SUMO3: variants seen among roughly 807,000 people sequenced by gnomAD.
SUMO3 encodes the protein small ubiquitin-related modifier 3.
Under a neutral mutation model 11.1 loss-of-function variants are expected in SUMO3, and 2 were observed. The observed-to-expected ratio is 0.18, with a 90% CI of 0.07 to 0.57. The LOEUF is 0.57. SUMO3 is among the 20% of genes least tolerant of loss of function. SUMO3 has a pLI of 0.92. For missense variants in SUMO3, 70 were observed against 132.8 expected, an observed-to-expected ratio of 0.53 and a Z score of 2.32; for synonymous variants, 56 against 53.5, an observed-to-expected ratio of 1.05 and a Z score of -0.20.
intron 1 of SUMO3, among the ~76,000 whole-genome samples, chr21:44,817,539 G>A (rs1265838332): frequency 2.0e-5 from 3 of 152,096 alleles, no homozygotes; most frequent in East Asian, 2.0e-4. Flanking sequence ...CGGGGGAGAG[G>A]GCGACCCCAA....
At chr21:44,816,489 G>A (rs879316617) in intron 1 of SUMO3, among the ~76,000 whole-genome samples, 5 of 152,282 alleles carry the variant, frequency 3.3e-5, no homozygotes, top group Admixed American at 1.3e-4. Flanking sequence ...GTCTGGCACT[G>A]AGCCTCCACC....
At chr21:44,813,438 CACT>C in intron 2 of SUMO3, 1 of 209,774 alleles carries the variant, frequency 4.8e-6, no homozygotes, top group Non-Finnish European at 9.8e-6. Flanking sequence ...CCCAGCTGGG[CACT>C]GCCAGTGGGG....
intron 2 of SUMO3, chr21:44,813,384 G>GAC (rs35209448): frequency 0.26 from 44,349 of 169,028 alleles, 6,284 homozygotes; most frequent in South Asian, 0.39. Flanking sequence ...AAGAACAACA[G>GAC]ACACACACAC....
At position 44,814,224 on chromosome 21, in the gene SUMO3, A is replaced by C. The variant is rs536057193; in HGVS notation, c.22-120T>G. On this transcript the variant is annotated intron_variant, in intron 1 of 3. Transcript: ENST00000332859. ...GTCATCAAAACCAACCTAATTCTTAAAATTCTCCAGCAATTCAGAGTCACT... is the reference window on the plus strand; with the variant it reads ...GTCATCAAAACCAACCTAATTCTTACAATTCTCCAGCAATTCAGAGTCACT... 4.6e-4 allele frequency: 621 copies of C among 1,341,704 alleles called. 1 individual carries two copies. Among genetic ancestry groups the C allele is most frequent in the Non-Finnish European group, 5.7e-4 (564 of 982,990 alleles). The allele number at this position is 1,341,704 out of a possible 1,614,324, so 83.1% of individuals were successfully genotyped here.
chr21:44,817,839 G>A (rs1306067903), intron 1 of SUMO3, 109 bp downstream of exon 1: 3 of 169,250 alleles, frequency 1.8e-5, no homozygotes, highest in African/African-American at 7.3e-5. Flanking sequence ...GGGGAGGGGC[G>A]GAGCCTGTCA....
intron 2 of SUMO3, among the ~76,000 whole-genome samples, chr21:44,809,998 G>A (rs1479939057): frequency 6.6e-6 from 1 of 152,184 alleles, no homozygotes; most frequent in Non-Finnish European, 1.5e-5. Context: ...ATGAGGGACA[G>A]ATAAGAAGGC....
At chr21:44,813,729 T>G in intron 2 of SUMO3, 1 of 1,294,192 alleles carries the variant, frequency 7.7e-7, no homozygotes, top group Non-Finnish European at 1.0e-6. Flanking sequence ...AGCCGCCCTG[T>G]CAGGAAGAAA....
rs1472369266 is a variant in SUMO3 at position 44,817,992 on chromosome 21, G to T, written c.-24C>A. Reference sequence around the variant, plus strand: ...ATGGCTGCGCGAGCGGCGCGGGGAGGCGGCGCGGGGGAAGCAGCGCGGAGC... The same window carrying T: ...ATGGCTGCGCGAGCGGCGCGGGGAGTCGGCGCGGGGGAAGCAGCGCGGAGC... On this transcript the variant is annotated 5_prime_UTR_variant, in exon 1 of 4. Transcript: ENST00000332859. 8.7e-5 allele frequency: 103 copies of T among 1,180,172 alleles called. No homozygotes were observed. Among genetic ancestry groups the T allele is most frequent in the Non-Finnish European group, 9.7e-5 (93 of 954,428 alleles). The allele number at this position is 1,180,172 out of a possible 1,614,324, so 73.1% of individuals were successfully genotyped here. A position where few individuals can be genotyped will look rare whatever the true frequency, so the allele number is the denominator to read the frequency against.
At chr21:44,808,920 T>C (rs1569307447) in intron 3 of SUMO3, 127 bp downstream of exon 3, 2 of 757,844 alleles carry the variant, frequency 2.6e-6, no homozygotes, top group Non-Finnish European at 4.6e-6. Context: ...AATAATCTAA[T>C]AATCAATATC....
chr21:44,816,005 C>T (rs1486490639), intron 1 of SUMO3, among the ~76,000 whole-genome samples: 4 of 152,174 alleles, frequency 2.6e-5, no homozygotes, highest in Non-Finnish European at 4.4e-5. Flanking sequence ...CACCTCTTCC[C>T]CTTCGTCAGA....
chr21:44,812,767 C>T (rs577737201), intron 2 of SUMO3, among the ~76,000 whole-genome samples: 15 of 152,328 alleles, frequency 9.8e-5, no homozygotes, highest in East Asian at 1.9e-4. Context: ...GAGCCCCCCC[C>T]ACATGTACAC....
rs2083179558 is a variant in SUMO3, at chr21:44,806,703, A to G, written c.*248T>C. On this transcript the variant is annotated 3_prime_UTR_variant, in exon 4 of 4. Transcript: ENST00000332859. ...GGGGAAAACACAAATGAGCACACAA[A>G]AGTACCCACAATATCTTGCAACTCA... 1 of 989,686 alleles carries G rather than the reference A, an allele frequency of 1.0e-6. No individual in the cohort carries two copies. Among genetic ancestry groups the G allele is most frequent in the Non-Finnish European group, 1.4e-6 (1 of 720,514 alleles). The allele number at this position is 989,686 out of a possible 1,614,324, so 61.3% of individuals were successfully genotyped here. A position where few individuals can be genotyped will look rare whatever the true frequency, so the allele number is the denominator to read the frequency against.
intron 3 of SUMO3, among the ~76,000 whole-genome samples, chr21:44,808,018 T>A (rs759395348): frequency 6.6e-6 from 1 of 152,206 alleles, no homozygotes; most frequent in African/African-American, 2.4e-5. Context: ...AGTAAATATT[T>A]AAAATCTTAA....
chr21:44,811,761 A>T lies in SUMO3; in HGVS notation c.150+2215T>A, dbSNP rs1254306562. Among the ~76,000 whole-genome samples the T allele has an allele frequency of 6.6e-6, 1 of 152,224 alleles. No individual in the cohort carries two copies. ...CCCAAAGCAAAATGGGAGAAAAATTATCAAATTTAAAATATCTAGGACAAT... is the reference window on the plus strand; with the variant it reads ...CCCAAAGCAAAATGGGAGAAAAATTTTCAAATTTAAAATATCTAGGACAAT... On this transcript the variant is annotated intron_variant, in intron 2 of 3. Transcript: ENST00000332859. This position sits in a 1 kb window ranked among gnomAD's most constrained non-coding sequence, Gnocchi z 5.0.
Position 44,810,261 on chromosome 21 carries a change from C to T in SUMO3, c.151-1143G>A, listed in dbSNP as rs990993480. ...GCACAAACAGGAAGGACAAAGAAAA[C>T]GGGAGTGGGGATGGGCAGATATGTC... On this transcript the variant is annotated intron_variant, in intron 2 of 3. Transcript: ENST00000332859. The surrounding 1 kb of genome is among the most constrained non-coding windows in gnomAD (Gnocchi z 4.1). 6.6e-6 allele frequency among the ~76,000 whole-genome samples: 1 copy of T among 152,132 alleles called. No homozygotes were observed. Among genetic ancestry groups the T allele is most frequent in the African/African-American group, 2.4e-5 (1 of 41,418 alleles).
intron 2 of SUMO3, chr21:44,813,550 G>A (rs542280362): frequency 2.7e-5 from 12 of 437,610 alleles, no homozygotes; most frequent in Non-Finnish European, 4.6e-5. Flanking sequence ...TGAGGGCAGT[G>A]TCTCTCCAGG....
At chr21:44,812,053 CTTTTTTTTTTTTT>C (rs386394862) in intron 2 of SUMO3, among the ~76,000 whole-genome samples, 3 of 80,960 alleles carry the variant, frequency 3.7e-5, no homozygotes, top group Admixed American at 2.0e-4. Context: ...AACTTCTCAC[CTTTTTTTTTTTTT>C]TTTTTTTTTT....
chr21:44,808,501 C>A, intron 3 of SUMO3: 2 of 1,441,362 alleles, frequency 1.4e-6, no homozygotes, highest in Admixed American at 2.7e-5. Flanking sequence ...GGCAACAAAG[C>A]GAGACTCCGT....
rs1205638063 is a variant in SUMO3 at position 44,811,787 on chromosome 21, G to C, written c.150+2189C>G. On this transcript the variant is annotated intron_variant, in intron 2 of 3. Coordinates refer to ENST00000332859, the MANE Select transcript of SUMO3 (RefSeq NM_006936.3). The surrounding 1 kb of genome is among the most constrained non-coding windows in gnomAD (Gnocchi z 5.0). ...TCAAATTTAAAATATCTAGGACAAT[G>C]AGCAGCAGGAGGAACAGGAACTCCA... Among the ~76,000 whole-genome samples, 2 of 152,136 alleles carry C rather than the reference G, an allele frequency of 1.3e-5. No homozygotes were observed. Among genetic ancestry groups the C allele is most frequent in the Admixed American group, 6.5e-5 (1 of 15,280 alleles).
Sources: allele counts gnomAD v4.1 joint callset (sites outside exome capture counted in the v4.1 genomes callset), GRCh38; gene constraint gnomAD v4.1.1; non-coding constraint Gnocchi (gnomAD v3.1); transcripts MANE v1.5; gene names NCBI Gene and HGNC (gene_info 2026-07-23, HGNC 2026-07-21).